Variants in RAD51AP1 observed in about 807,000 individuals in gnomAD.
The protein encoded by RAD51AP1 is RAD51-associated protein 1.
RAD51AP1 carries 14 observed loss-of-function variants against 34.3 expected under a neutral mutation model. That is an observed-to-expected ratio of 0.41 (90% CI 0.27 to 0.64). The LOEUF is 0.64. RAD51AP1 is among the 30% of genes least tolerant of loss of function. The pLI is 0.33. For synonymous variants in RAD51AP1, 114 were observed against 129.8 expected (o/e 0.88, Z 0.83); for missense variants, 348 against 386.9 (o/e 0.90, Z 0.84).
intron 7 of RAD51AP1, among the ~76,000 whole-genome samples, chr12:4,553,916 A>G (rs893863895): frequency 1.3e-5 from 2 of 152,122 alleles, no homozygotes; most frequent in African/African-American, 2.4e-5. Flanking sequence ...CCATTTATTC[A>G]TAGGAGCTGC....
At position 4,542,101 on chromosome 12, in the gene RAD51AP1, G is replaced by A. The variant is rs187549452; in HGVS notation, c.67+168G>A. 3.3e-5 allele frequency among the ~76,000 whole-genome samples: 5 copies of A among 152,230 alleles called. No homozygotes were observed. The East Asian group carries it at 9.6e-4, about 29-fold the overall frequency. On this transcript the variant is annotated intron_variant, in intron 2 of 8. Coordinates refer to ENST00000352618, the MANE Select transcript of RAD51AP1 (RefSeq NM_006479.5). ...GGATAATTATGCTGATAATTATACT[G>A]ATAAAAATTATGTTAGTAGGTGATA...
chr12:4,546,160 T>A, intron 3 of RAD51AP1, 149 bp from the exon 4 acceptor site: 1 of 609,366 alleles, frequency 1.6e-6, no homozygotes, highest in Non-Finnish European at 2.9e-6. Flanking sequence ...TCTTATCTTA[T>A]CATCAAAGGT....
intron 3 of RAD51AP1, chr12:4,545,925 A>G: frequency 7.0e-7 from 1 of 1,433,772 alleles, no homozygotes; most frequent in Non-Finnish European, 9.6e-7. Context: ...AAGAGCTATA[A>G]AATCTGCTAA....
intron 3 of RAD51AP1, among the ~76,000 whole-genome samples, chr12:4,544,170 A>G (rs1944489593): frequency 7.6e-6 from 1 of 131,512 alleles, no homozygotes; most frequent in African/African-American, 2.5e-5. Flanking sequence ...AGGACCCAGC[A>G]CTTATCTCTG....
Position 4,559,167 on chromosome 12 carries a change from C to A in RAD51AP1, c.*174C>A, listed in dbSNP as rs1944603800. Reference sequence around the variant, plus strand: ...ATGTTCTCTGTAAAACTCTTCAAGACTTCAATGAGAAGTTTGTTTATAAGA... The same window carrying A: ...ATGTTCTCTGTAAAACTCTTCAAGAATTCAATGAGAAGTTTGTTTATAAGA... On this transcript the variant is annotated 3_prime_UTR_variant, in exon 9 of 9. Transcript: ENST00000352618. 1.5e-6 allele frequency: 1 copy of A among 669,392 alleles called. No individual in the cohort carries two copies. The highest frequency in any genetic ancestry group is 2.4e-6 in the Non-Finnish European group (1 of 423,306). The allele number at this position is 669,392 out of a possible 1,614,324, so 41.5% of individuals were successfully genotyped here. A position where few individuals can be genotyped will look rare whatever the true frequency, so the allele number is the denominator to read the frequency against.
At position 4,555,123 on chromosome 12, in the gene RAD51AP1, T is replaced by A. The variant is rs190521003; in HGVS notation, c.722-1230T>A. ...TTATATGTGTTGAAATACCCCTAGGTATCTCAAAACAAGCACTGTCTGAAA... is the reference window on the plus strand; with the variant it reads ...TTATATGTGTTGAAATACCCCTAGGAATCTCAAAACAAGCACTGTCTGAAA... On this transcript the variant is annotated intron_variant, in intron 7 of 8. Transcript: ENST00000352618. 3.9e-3 allele frequency among the ~76,000 whole-genome samples: 597 copies of A among 152,156 alleles called. 3 individuals are homozygous for A. Among genetic ancestry groups the A allele is most frequent in the African/African-American group, 0.014 (574 of 41,516 alleles).
chr12:4,551,848 G>A (rs373696342), intron 6 of RAD51AP1, among the ~76,000 whole-genome samples: 2 of 152,162 alleles, frequency 1.3e-5, no homozygotes, highest in African/African-American at 4.8e-5. Context: ...AGAAGAGCGA[G>A]ATAGATGAAA....
At chr12:4,552,730 C>T (rs541437278) in intron 6 of RAD51AP1, among the ~76,000 whole-genome samples, 21 of 152,160 alleles carry the variant, frequency 1.4e-4, no homozygotes, top group South Asian at 4.1e-4. Flanking sequence ...CTCATTTAAT[C>T]CACGCAACAA....
At chr12:4,545,439 G>T in intron 3 of RAD51AP1, 1 of 292,842 alleles carries the variant, frequency 3.4e-6, no homozygotes, top group South Asian at 3.5e-5. Context: ...AATGGGTATG[G>T]GGTTTCTTTT....
At chr12:4,553,207 A>T in intron 7 of RAD51AP1, 60 bp downstream of exon 7, 3 of 1,337,720 alleles carry the variant, frequency 2.2e-6, no homozygotes, top group East Asian at 2.6e-5. Context: ...TGTTTGCCGT[A>T]TTTTTCTTAT....
At position 4,559,928 on chromosome 12, in the gene RAD51AP1, T is replaced by G. The variant is rs1944609161; in HGVS notation, c.*935T>G. ...CTGATCAATTTTTAATAAAAAATTT[T>G]CAAATCATGTTAGCTGTTAAAAAAT... On this transcript the variant is annotated 3_prime_UTR_variant, in exon 9 of 9. Coordinates refer to ENST00000352618, the MANE Select transcript of RAD51AP1 (RefSeq NM_006479.5). The G allele has an allele frequency of 6.6e-6, 1 of 152,226 alleles. No homozygotes were observed. Among genetic ancestry groups the G allele is most frequent in the African/African-American group, 2.4e-5 (1 of 41,460 alleles). The allele number at this position is 152,226 out of a possible 1,614,324, so 9.4% of individuals were successfully genotyped here. A position where few individuals can be genotyped will look rare whatever the true frequency, so the allele number is the denominator to read the frequency against.
At chr12:4,539,910 T>G (rs1304767045) in intron 1 of RAD51AP1, among the ~76,000 whole-genome samples, 4 of 152,180 alleles carry the variant, frequency 2.6e-5, no homozygotes, top group Non-Finnish European at 4.4e-5. Flanking sequence ...AATCTAAGTT[T>G]GCTTTTATAA....
At position 4,559,111 on chromosome 12, in the gene RAD51AP1, C is replaced by G. The variant is rs1944603535; in HGVS notation, c.*118C>G. ...AATATAAAGGAATCCATTACCATGTCCTATAAATGACCTCTAGCCATTTTA... is the reference window on the plus strand; with the variant it reads ...AATATAAAGGAATCCATTACCATGTGCTATAAATGACCTCTAGCCATTTTA... On this transcript the variant is annotated 3_prime_UTR_variant, in exon 9 of 9. Transcript: ENST00000352618. 7.9e-7 allele frequency: 1 copy of G among 1,260,482 alleles called. No individual in the cohort carries two copies. The allele number at this position is 1,260,482 out of a possible 1,614,324, so 78.1% of individuals were successfully genotyped here. A position where few individuals can be genotyped will look rare whatever the true frequency, so the allele number is the denominator to read the frequency against.
At chr12:4,556,222 C>A in intron 7 of RAD51AP1, 131 bp from the exon 8 acceptor site, 1 of 728,334 alleles carries the variant, frequency 1.4e-6, no homozygotes, top group Non-Finnish European at 2.3e-6. Flanking sequence ...CTTAGGCTCT[C>A]AATAAATGTT....
At chr12:4,553,318 C>T in intron 7 of RAD51AP1, 171 bp downstream of exon 7, 1 of 492,214 alleles carries the variant, frequency 2.0e-6, no homozygotes, top group Non-Finnish European at 3.5e-6. Flanking sequence ...GACAAGAATG[C>T]TGACTCCACT....
At chr12:4,558,536 CT>C (rs1218455898) in intron 8 of RAD51AP1, among the ~76,000 whole-genome samples, 1 of 152,140 alleles carries the variant, frequency 6.6e-6, no homozygotes, top group Non-Finnish European at 1.5e-5. Flanking sequence ...TTTGCTTTTT[CT>C]ATTACTTTAG....
At chr12:4,542,794 T>G (rs1254831063) in intron 2 of RAD51AP1, among the ~76,000 whole-genome samples, 2 of 152,230 alleles carry the variant, frequency 1.3e-5, no homozygotes, top group African/African-American at 4.8e-5. Flanking sequence ...GCAGTAGTTT[T>G]ACGTTGACAG....
chr12:4,557,658 A>G (rs1349839017), intron 8 of RAD51AP1, among the ~76,000 whole-genome samples: 1 of 152,186 alleles, frequency 6.6e-6, no homozygotes, highest in Non-Finnish European at 1.5e-5. Flanking sequence ...AGCATAATTA[A>G]AAAAATACAA....
At position 4,548,798 on chromosome 12, in the gene RAD51AP1, G is replaced by A. The variant is rs144906332; in HGVS notation, c.518G>A (p.Gly173Asp). The change falls in exon 6 of 9, where the codon GGT becomes GAT. Residue 173 changes from glycine (G) to aspartate (D), a missense_variant. Physicochemically the swap from Gly to Asp is moderately conservative, Grantham distance 94. Transcript: ENST00000352618. ...QRKILLEGSD[G>D]DSANDTEPDF... ...AAGATTCTTCTGGAAGGCAGTGATG[G>A]TGATAGTGCTAATGACACTGAACCA... is the stretch of plus-strand genomic sequence containing the variant. 6.2e-7 allele frequency: 1 copy of A among 1,614,120 alleles called. No homozygotes were observed. The highest frequency in any genetic ancestry group is 8.5e-7 in the Non-Finnish European group (1 of 1,179,954).
Sources: allele counts gnomAD v4.1 joint callset (sites outside exome capture counted in the v4.1 genomes callset), GRCh38; gene constraint gnomAD v4.1.1; transcripts MANE v1.5; gene names NCBI Gene and HGNC (gene_info 2026-07-23, HGNC 2026-07-21).